The following CIITA variants were observed in gnomAD, a reference collection of about 807,000 sequenced individuals.
CIITA encodes class II major histocompatibility complex transactivator, also known as MHC class II transactivator.
CIITA carries 72 observed loss-of-function variants against 115.1 expected under a neutral mutation model. The observed-to-expected ratio is 0.63, with a 90% confidence interval of 0.52 to 0.76. The LOEUF is 0.76. CIITA is among the 30% of genes least tolerant of loss of function. CIITA has a pLI of 0.00. For missense variants in CIITA, 1,617 were observed against 1,463.8 expected, an observed-to-expected ratio of 1.10 and a Z score of -1.71; for synonymous variants, 763 against 635.6, an observed-to-expected ratio of 1.20 and a Z score of -3.02.
chr16:10,883,439 A>T (rs1282782327), intron 1 of CIITA, among the ~76,000 whole-genome samples: 1 of 152,122 alleles, frequency 6.6e-6, no homozygotes, highest in East Asian at 1.9e-4. Context: ...TCATCCTGGG[A>T]CCACCAGGCC....
chr16:10,908,257 G>A lies in CIITA; in HGVS notation c.2657+108G>A, dbSNP rs111917516. On this transcript the variant is annotated intron_variant, in intron 11 of 19. Transcript: ENST00000324288. ...GTCTCTTTTAGTATGCAGAGCAGCC[G>A]GGTGGGGCAGAATGGATTCTCTCCA... 5.1e-3 allele frequency: 6,647 copies of A among 1,308,744 alleles called. 26 individuals carry two copies. Among genetic ancestry groups the A allele is most frequent in the Non-Finnish European group, 6.3e-3 (5,882 of 933,140 alleles). The allele number at this position is 1,308,744 out of a possible 1,614,324, so 81.1% of individuals were successfully genotyped here.
At chr16:10,903,684 G>A (rs746605806) in intron 8 of CIITA, 47 bp from the exon 9 acceptor site, 1 of 1,610,646 alleles carries the variant, frequency 6.2e-7, no homozygotes, top group Non-Finnish European at 8.5e-7. Context: ...TGCATTTCTG[G>A]AATCAATACC....
chr16:10,882,381 C>A (rs2036517199), intron 1 of CIITA, among the ~76,000 whole-genome samples: 1 of 152,026 alleles, frequency 6.6e-6, no homozygotes, highest in African/African-American at 2.4e-5. Context: ...ACTACTAGAC[C>A]AAGGGCATGG....
At chr16:10,874,786 C>T (rs1256624902), upstream of CIITA, among the ~76,000 whole-genome samples, 1 of 152,090 alleles carries the variant, frequency 6.6e-6, no homozygotes, top group Non-Finnish European at 1.5e-5. Flanking sequence ...CTGGCTGGCC[C>T]ATTCTAAGTT....
At chr16:10,909,263 C>A in intron 12 of CIITA, 76 bp downstream of exon 12, 2 of 1,508,086 alleles carry the variant, frequency 1.3e-6, no homozygotes, top group South Asian at 1.1e-5. Context: ...TCAAGTTTGT[C>A]ATGGGCATTT....
At chr16:10,874,816 C>T (rs374827867), upstream of CIITA, among the ~76,000 whole-genome samples, 35 of 152,228 alleles carry the variant, frequency 2.3e-4, no homozygotes, top group South Asian at 8.3e-4. Context: ...CCTTGGCCAT[C>T]GGTCTGAGGG....
chr16:10,904,658 G>A, intron 9 of CIITA, 86 bp from the exon 10 acceptor site: 1 of 1,383,184 alleles, frequency 7.2e-7, no homozygotes, highest in Non-Finnish European at 1.0e-6. Flanking sequence ...GCCCATGAAG[G>A]CTGTAAGGAC....
chr16:10,918,078 C>T (rs1379826101), intron 15 of CIITA, among the ~76,000 whole-genome samples: 1 of 152,200 alleles, frequency 6.6e-6, no homozygotes, highest in Non-Finnish European at 1.5e-5. Flanking sequence ...ATGAGCAAAA[C>T]AGACACAGCC....
chr16:10,868,889 T>C (rs530560917), intron 1 of CIITA, among the ~76,000 whole-genome samples: 24 of 152,346 alleles, frequency 1.6e-4, no homozygotes, highest in African/African-American at 5.5e-4. Flanking sequence ...GGCAAGTTGC[T>C]CTTTTCCTGC....
chr16:10,896,429 A>G (rs1367187650), intron 3 of CIITA, among the ~76,000 whole-genome samples: 2 of 152,238 alleles, frequency 1.3e-5, no homozygotes, highest in African/African-American at 4.8e-5. Context: ...AGAGAAGCTA[A>G]TTTGTAGCCT....
chr16:10,882,198 A>AT (rs1481960395), intron 1 of CIITA, among the ~76,000 whole-genome samples: 4 of 152,228 alleles, frequency 2.6e-5, no homozygotes, highest in Non-Finnish European at 5.9e-5. Flanking sequence ...GGTCTATTTA[A>AT]GTTTCTTTAA....
At position 10,932,985 on chromosome 16, in the gene CIITA, G is replaced by A. The variant is rs1199371461; in HGVS notation, c.*9130G>A. Reference sequence around the variant, plus strand: ...CGTCCTGAGCTGTATGCAGCCTACAGGCCGCACCACGGATTGAACAAGTTT... The same window carrying A: ...CGTCCTGAGCTGTATGCAGCCTACAAGCCGCACCACGGATTGAACAAGTTT... On this transcript the variant is annotated 3_prime_UTR_variant, in exon 20 of 20. Coordinates refer to ENST00000324288, the MANE Select transcript of CIITA (RefSeq NM_000246.4). The A allele has an allele frequency of 6.6e-6, 1 of 152,178 alleles. No homozygotes were observed. The highest frequency in any genetic ancestry group is 2.4e-5 in the African/African-American group (1 of 41,426). 9.4% of individuals were successfully genotyped at this position (152,178 alleles called of 1,614,324 possible).
rs145819243 is a variant in CIITA at position 10,929,558 on chromosome 16, G to A, written c.*5703G>A. 1.5e-3 allele frequency: 1,493 copies of A among 985,468 alleles called. 5 individuals carry two copies. Among genetic ancestry groups the A allele is most frequent in the Middle Eastern group, 0.014 (26 of 1,916 alleles). 61.0% of individuals were successfully genotyped at this position (985,468 alleles called of 1,614,324 possible). ...GGCACGAAGCTTTTGAGGGGAGCAG[G>A]TCTAACAAGAAGGAAAAAGGGGGGT... On this transcript the variant is annotated 3_prime_UTR_variant, in exon 20 of 20. Coordinates refer to ENST00000324288, the MANE Select transcript of CIITA (RefSeq NM_000246.4). This position sits in a 1 kb window ranked among gnomAD's most constrained non-coding sequence, Gnocchi z 4.3.
In CIITA at chr16:10,931,238, G is replaced by C. The variant is rs947905708; in HGVS notation, c.*7383G>C. On this transcript the variant is annotated 3_prime_UTR_variant, in exon 20 of 20. Coordinates refer to ENST00000324288, the MANE Select transcript of CIITA (RefSeq NM_000246.4). The stretch of plus-strand genomic sequence containing the variant: ...GAGGCAGGAGGATTGCGTGAGCCCA[G>C]CAGTTCAAGGCTGCAGTGAACTATG... The C allele has an allele frequency of 6.6e-6, 1 of 152,324 alleles. No homozygotes were observed. Among genetic ancestry groups the C allele is most frequent in the African/African-American group, 2.4e-5 (1 of 41,444 alleles). The allele number at this position is 152,324 out of a possible 1,614,324, so 9.4% of individuals were successfully genotyped here. A position where few individuals can be genotyped will look rare whatever the true frequency, so the allele number is the denominator to read the frequency against.
chr16:10,899,165 T>A (rs929705964), intron 5 of CIITA, among the ~76,000 whole-genome samples, 163 bp downstream of exon 5: 3 of 152,138 alleles, frequency 2.0e-5, no homozygotes, highest in Admixed American at 2.0e-4. Flanking sequence ...ATCTGATTAT[T>A]TCATGGCCCT....
chr16:10,886,343 G>C (rs1418604371), intron 1 of CIITA, among the ~76,000 whole-genome samples: 1 of 152,116 alleles, frequency 6.6e-6, no homozygotes, highest in East Asian at 1.9e-4. Context: ...TCTCTATGGA[G>C]TGCAGGGGTT....
In CIITA at chr16:10,929,070, G is replaced by C; in HGVS notation, c.*5215G>C. ...GTTTTGCCAACTTGCTGAAGAACGA[G>C]TAACCTGAAATGAAGGAGCGAGAAT... On this transcript the variant is annotated 3_prime_UTR_variant, in exon 20 of 20. Transcript: ENST00000324288. This position sits in a 1 kb window ranked among gnomAD's most constrained non-coding sequence, Gnocchi z 4.3. The C allele has an allele frequency of 5.6e-6, 2 of 354,310 alleles. No individual in the cohort carries two copies. Among genetic ancestry groups the C allele is most frequent in the Non-Finnish European group, 7.9e-6 (2 of 252,796 alleles). 21.9% of individuals were successfully genotyped at this position (354,310 alleles called of 1,614,324 possible).
At chr16:10,867,260 A>C (rs2035139732) in intron 1 of CIITA, among the ~76,000 whole-genome samples, 1 of 147,080 alleles carries the variant, frequency 6.8e-6, no homozygotes, top group Non-Finnish European at 1.5e-5. Flanking sequence ...AAAAATAGAG[A>C]AATGGGGTGC....
At chr16:10,890,836 G>C (rs2144078494) in intron 1 of CIITA, among the ~76,000 whole-genome samples, 1 of 152,234 alleles carries the variant, frequency 6.6e-6, no homozygotes, top group Admixed American at 6.5e-5. Flanking sequence ...CATTGCTAAG[G>C]GCTCCGCGTG....
Sources: gnomAD v4.1 joint callset for allele counts (sites outside exome capture counted in the v4.1 genomes callset) on GRCh38, gnomAD v4.1.1 for gene constraint, Gnocchi (gnomAD v3.1) non-coding constraint, MANE v1.5 for transcripts, NCBI Gene and HGNC (gene_info 2026-07-23, HGNC 2026-07-21) for gene names.